RBBP8: variants seen among roughly 807,000 people sequenced by gnomAD.
RBBP8 encodes the protein RB binding protein 8, endonuclease, also known as DNA endonuclease RBBP8.
Under a neutral mutation model 108.3 loss-of-function variants are expected in RBBP8, and 88 were observed. The ratio of observed to expected loss-of-function variants is 0.81; its 90% CI spans 0.68 to 0.97. The LOEUF is 0.97. Ranked by LOEUF, RBBP8 falls within the 50% of genes least tolerant of loss-of-function variation. RBBP8 has a pLI of 0.00. For missense variants in RBBP8, 1,023 were observed against 1,049.0 expected (o/e 0.98, Z 0.34); for synonymous variants, 332 against 348.2 (o/e 0.95, Z 0.52).
intron 15 of RBBP8, chr18:23,004,529 G>C (rs1402168456): frequency 6.6e-6 from 1 of 152,108 alleles, no homozygotes; most frequent in East Asian, 1.9e-4. Flanking sequence ...GATAGCCAAA[G>C]GTGGGTTAAT....
At chr18:22,944,664 C>G (rs1911396043) in intron 2 of RBBP8, among the ~76,000 whole-genome samples, 1 of 151,908 alleles carries the variant, frequency 6.6e-6, no homozygotes, top group Non-Finnish European at 1.5e-5. Flanking sequence ...TTTATTTATT[C>G]AAATTATAGA....
chr18:22,933,972 G>C (rs968838510), intron 1 of RBBP8: 1 of 152,514 alleles, frequency 6.6e-6, no homozygotes, highest in Non-Finnish European at 1.5e-5. Flanking sequence ...GCCCATAAGA[G>C]GACCCCTGAA....
chr18:22,947,392 T>C (rs761572930), intron 3 of RBBP8, among the ~76,000 whole-genome samples: 2 of 151,840 alleles, frequency 1.3e-5, no homozygotes, highest in Non-Finnish European at 2.9e-5. Context: ...TATATGACAT[T>C]TGATTTAAAA....
intron 12 of RBBP8, among the ~76,000 whole-genome samples, chr18:22,994,257 T>G (rs1173415730): frequency 2.0e-5 from 3 of 147,992 alleles, no homozygotes; most frequent in Non-Finnish European, 4.5e-5. Context: ...TCTCCTGACA[T>G]CGTGATCCAC....
chr18:22,924,127 GT>G (rs33978854), intron 3 of RBBP8, among the ~76,000 whole-genome samples: 252 of 108,218 alleles, frequency 2.3e-3, no homozygotes, highest in Middle Eastern at 0.015. Flanking sequence ...TTTGTTTTTG[GT>G]TTTTTTTTTT....
chr18:22,992,761 A>G lies in RBBP8; in HGVS notation c.934A>G (p.Thr312Ala), dbSNP rs781629564. The change falls in exon 11 of 19, where the codon ACT (threonine) becomes GCT (alanine). Residue 312 changes from threonine (T) to alanine (A), a missense_variant. By Grantham distance (58) the Thr-to-Ala change is moderately conservative (BLOSUM62 0). Coordinates refer to ENST00000327155, the MANE Select transcript of RBBP8 (RefSeq NM_002894.3). ...CTCTTTATTTAGATTTTCAGATTCT[A>G]CTTCAAAGACTCCTCCTCAAGAAGA... is the stretch of plus-strand genomic sequence containing the variant. ...TEDSLRFSDS[T>A]SKTPPQEELP... 2.5e-6 allele frequency: 4 copies of G among 1,587,706 alleles called. No individual in the cohort carries two copies. The highest frequency in any genetic ancestry group is 3.5e-6 in the Non-Finnish European group (4 of 1,156,312).
At chr18:22,937,021 A>G (rs1178684911) in intron 2 of RBBP8, 61 bp downstream of exon 2, 3 of 1,603,750 alleles carry the variant, frequency 1.9e-6, no homozygotes, top group Admixed American at 3.4e-5. Flanking sequence ...GGCTTTGTAT[A>G]CCTTTGTATG....
At chr18:22,916,200 C>T (rs2144323570) in intron 2 of RBBP8, among the ~76,000 whole-genome samples, 1 of 152,106 alleles carries the variant, frequency 6.6e-6, no homozygotes, top group South Asian at 2.1e-4. Context: ...TTATTCCTAG[C>T]TGCACAATTT....
At chr18:22,935,372 G>A (rs1598631696) in intron 1 of RBBP8, among the ~76,000 whole-genome samples, 1 of 142,844 alleles carries the variant, frequency 7.0e-6, no homozygotes. Flanking sequence ...CCCTTTAACA[G>A]ATAAGGCCTT....
At chr18:22,939,238 G>A (rs1255402350) in intron 2 of RBBP8, among the ~76,000 whole-genome samples, 3 of 152,172 alleles carry the variant, frequency 2.0e-5, no homozygotes, top group Non-Finnish European at 2.9e-5. Context: ...TGGGCACGGT[G>A]GCTCACGCCT....
intron 2 of RBBP8, among the ~76,000 whole-genome samples, chr18:22,943,211 G>A (rs1436780764): frequency 1.3e-5 from 2 of 152,124 alleles, no homozygotes; most frequent in Non-Finnish European, 2.9e-5. Context: ...CAAGGCAGGA[G>A]GATTACTTGA....
chr18:23,016,947 A>T (rs761469003), intron 17 of RBBP8, 23 bp downstream of exon 17: 2 of 1,520,702 alleles, frequency 1.3e-6, no homozygotes, highest in South Asian at 1.1e-5. Context: ...GTAGATACTA[A>T]TTTTTTTTTA....
chr18:23,023,859 A>G (rs1466920102), intron 18 of RBBP8, among the ~76,000 whole-genome samples: 1 of 137,224 alleles, frequency 7.3e-6, no homozygotes, highest in Non-Finnish European at 1.5e-5. Flanking sequence ...GCTAGTTTTT[A>G]TGAAGGGGCC....
At chr18:22,950,353 G>T (rs1911928018) in intron 4 of RBBP8, among the ~76,000 whole-genome samples, 1 of 152,160 alleles carries the variant, frequency 6.6e-6, no homozygotes, top group Non-Finnish European at 1.5e-5. Flanking sequence ...GGGAGGCTAA[G>T]GTGGGAGGAT....
intron 16 of RBBP8, among the ~76,000 whole-genome samples, chr18:23,010,087 G>A (rs1362233967): frequency 1.3e-5 from 2 of 151,996 alleles, no homozygotes; most frequent in African/African-American, 2.4e-5. Flanking sequence ...TATAGATCCT[G>A]GAAATCACTC....
At chr18:22,940,718 T>A (rs538309290) in intron 2 of RBBP8, among the ~76,000 whole-genome samples, 1 of 151,994 alleles carries the variant, frequency 6.6e-6, no homozygotes, top group East Asian at 1.9e-4. Context: ...ACAATCATGG[T>A]TCGCCGTAGC....
At position 22,961,941 on chromosome 18, in the gene RBBP8, C is replaced by T. The variant is rs551058968; in HGVS notation, c.249-6865C>T. Among the ~76,000 whole-genome samples, 26 of 152,288 alleles carry T rather than the reference C, an allele frequency of 1.7e-4. No individual in the cohort carries two copies. In the South Asian group the frequency reaches 3.9e-3, roughly 23 times the overall value. ...TTGAGAAATAGCCAGGTTTAGGGAC[C>T]ACTGATCTAACTATCTATTCAACAT... On this transcript the variant is annotated intron_variant, in intron 4 of 18. Coordinates refer to ENST00000327155, the MANE Select transcript of RBBP8 (RefSeq NM_002894.3).
At position 22,955,295 on chromosome 18, in the gene RBBP8, C is replaced by T. The variant is rs574345227; in HGVS notation, c.248+5582C>T. ...TCGTTGTTTTGTAGACTTGCTTTTG[C>T]TCACCTTTCTTCAAATGCAAATCCA... is the stretch of plus-strand genomic sequence containing the variant. On this transcript the variant is annotated intron_variant, in intron 4 of 18. Transcript: ENST00000327155. Among the ~76,000 whole-genome samples, 3 of 152,254 alleles carry T rather than the reference C, an allele frequency of 2.0e-5. No homozygotes were observed. In the South Asian group the frequency reaches 6.2e-4, roughly 32 times the overall value.
In RBBP8 at chr18:23,020,636, C is replaced by A. The variant is rs1008497440; in HGVS notation, c.2455-1493C>A. Among the ~76,000 whole-genome samples the A allele has an allele frequency of 2.0e-5, 3 of 151,298 alleles. No individual in the cohort carries two copies. In the East Asian group the frequency reaches 5.8e-4, roughly 29 times the overall value. On this transcript the variant is annotated intron_variant, in intron 17 of 18. Coordinates refer to ENST00000327155, the MANE Select transcript of RBBP8 (RefSeq NM_002894.3). ...TTTTAGAATAAAAGTTAAATCATGT[C>A]ATTCCCAGAATCCTTCATTGTCTTC...
Sources: gnomAD v4.1 joint callset for allele counts (sites outside exome capture counted in the v4.1 genomes callset) on GRCh38, gnomAD v4.1.1 for gene constraint, MANE v1.5 for transcripts, NCBI Gene and HGNC (gene_info 2026-07-23, HGNC 2026-07-21) for gene names.